Variants in BCAT1 observed in about 807,000 individuals in gnomAD.
The protein encoded by BCAT1 is branched chain amino acid transaminase 1.
BCAT1 carries 48 observed loss-of-function variants against 52.4 expected under a neutral mutation model. The ratio of observed to expected loss-of-function variants is 0.92; its 90% CI spans 0.73 to 1.16. BCAT1 has a LOEUF of 1.16. Ranked by LOEUF, BCAT1 falls within the 50% of genes most tolerant of loss-of-function variation. The probability of loss-of-function intolerance (pLI) is 0.00; values close to 1 mark genes in which losing one functional copy is unlikely to be tolerated. For synonymous variants in BCAT1, 167 were observed against 161.3 expected (o/e 1.04, Z -0.27); for missense variants, 451 against 457.1 (o/e 0.99, Z 0.12).
intron 3 of BCAT1, among the ~76,000 whole-genome samples, chr12:24,884,844 A>G (rs1942611735): frequency 6.6e-6 from 1 of 152,226 alleles, no homozygotes; most frequent in African/African-American, 2.4e-5. Flanking sequence ...AAAAAACTAT[A>G]TGATCATCTC....
intron 1 of BCAT1, among the ~76,000 whole-genome samples, chr12:24,917,651 C>T (rs1276034469): frequency 6.6e-6 from 1 of 152,200 alleles, no homozygotes; most frequent in East Asian, 1.9e-4. Context: ...CAATTTACTG[C>T]ATATACCATG....
chr12:24,949,265 G>A (rs890308590), upstream of BCAT1: 36 of 434,632 alleles, frequency 8.3e-5, no homozygotes, highest in African/African-American at 7.1e-4. Flanking sequence ...TCACTCCCGG[G>A]GTGCAGGGCA....
In BCAT1 at chr12:24,813,248, T is replaced by C. The variant is rs1423688500; in HGVS notation, c.*4760A>G. ...ATCTGACAAGTCTTTTATATATGTA[T>C]GCTGAAGAGAAAAAATAAATCACTT... On this transcript the variant is annotated 3_prime_UTR_variant, in exon 11 of 11. Transcript: ENST00000261192. 1.3e-5 allele frequency: 2 copies of C among 152,054 alleles called. No individual in the cohort carries two copies. Among genetic ancestry groups the C allele is most frequent in the African/African-American group, 4.8e-5 (2 of 41,452 alleles). 9.4% of individuals were successfully genotyped at this position (152,054 alleles called of 1,614,324 possible). A position where few individuals can be genotyped will look rare whatever the true frequency, so the allele number is the denominator to read the frequency against.
At chr12:24,884,772 T>C (rs1015829674) in intron 3 of BCAT1, among the ~76,000 whole-genome samples, 1 of 152,154 alleles carries the variant, frequency 6.6e-6, no homozygotes, top group Non-Finnish European at 1.5e-5. Context: ...GAAATGGAGA[T>C]TGGTTTAACA....
chr12:24,826,329 G>A (rs373117860), intron 10 of BCAT1, among the ~76,000 whole-genome samples: 4 of 152,136 alleles, frequency 2.6e-5, no homozygotes, highest in South Asian at 2.1e-4. Context: ...TAAGAGAAGC[G>A]AATCTAGTTT....
intron 10 of BCAT1, among the ~76,000 whole-genome samples, chr12:24,820,635 G>T (rs987216403): frequency 7.2e-5 from 11 of 152,170 alleles, no homozygotes; most frequent in Non-Finnish European, 1.3e-4. Context: ...TGGAATCAGA[G>T]ATGGTGTCAA....
At chr12:24,903,145 A>G (rs1031670847) in intron 1 of BCAT1, 6 of 1,302,802 alleles carry the variant, frequency 4.6e-6, no homozygotes, top group Admixed American at 8.2e-5. Context: ...GGCGCAGGGT[A>G]CGACGCAACC....
intron 4 of BCAT1, among the ~76,000 whole-genome samples, chr12:24,880,129 C>A (rs182748986): frequency 6.6e-6 from 1 of 152,182 alleles, no homozygotes; most frequent in Non-Finnish European, 1.5e-5. Context: ...TAGCCGTCCT[C>A]AGGCTTCCTG....
intron 2 of BCAT1, among the ~76,000 whole-genome samples, chr12:24,898,933 G>T (rs1420380656): frequency 6.6e-6 from 1 of 152,098 alleles, no homozygotes; most frequent in African/African-American, 2.4e-5. Context: ...CTTTATTCTA[G>T]GTTCTTGTGC....
intron 3 of BCAT1, among the ~76,000 whole-genome samples, chr12:24,891,630 T>C (rs1040371336): frequency 2.0e-5 from 3 of 152,198 alleles, no homozygotes; most frequent in African/African-American, 7.2e-5. Context: ...GATTTTGGTT[T>C]TTAACAAAGG....
chr12:24,887,447 A>G (rs1455122581), intron 3 of BCAT1, among the ~76,000 whole-genome samples: 1 of 152,182 alleles, frequency 6.6e-6, no homozygotes, highest in Non-Finnish European at 1.5e-5. Context: ...CACAAAATAT[A>G]TACATTTTTT....
Position 24,842,152 on chromosome 12 carries a change from A to AT in BCAT1, c.746dup (p.Tyr249Ter). The change falls in exon 7 of 11, where the codon TAT (tyrosine) becomes TAAT (stop). Residue 249 changes from tyrosine to a stop codon, truncating the protein, a stop_gained and frameshift_variant. Transcript: ENST00000261192. LOFTEE classifies it high-confidence loss of function. Reference protein sequence around the residue: ...DNGCQQVLWLYGEDHQITEVG... With the variant: ...DNGCQQVLWL Reference sequence around the variant, plus strand: ...CTTCAGTGATCTGATGGTCCTCTCCATAGAGCCACAGGACCTGCTGACACC... The same window carrying AT: ...CTTCAGTGATCTGATGGTCCTCTCCATTAGAGCCACAGGACCTGCTGACACC... 6.2e-7 allele frequency: 1 copy of AT among 1,613,576 alleles called. No individual in the cohort carries two copies. Among genetic ancestry groups the AT allele is most frequent in the Non-Finnish European group, 8.5e-7 (1 of 1,179,470 alleles).
chr12:24,847,866 A>G (rs1941392898), intron 6 of BCAT1, among the ~76,000 whole-genome samples: 1 of 152,222 alleles, frequency 6.6e-6, no homozygotes, highest in South Asian at 2.1e-4. Context: ...GTCAAGGGTA[A>G]CTGTTGACTT....
At chr12:24,900,587 CA>C (rs570416430) in intron 2 of BCAT1, among the ~76,000 whole-genome samples, 1 of 151,088 alleles carries the variant, frequency 6.6e-6, no homozygotes, top group African/African-American at 2.4e-5. Context: ...GACTCTGTCT[CA>C]AAAAAAAGAA....
At position 24,927,585 on chromosome 12, in the gene BCAT1, C is replaced by T. The variant is rs539912479; in HGVS notation, c.6+21342G>A. Among the ~76,000 whole-genome samples, 8 of 152,222 alleles carry T rather than the reference C, an allele frequency of 5.3e-5. No individual in the cohort carries two copies. The South Asian group carries it at 1.7e-3, about 32-fold the overall frequency. On this transcript the variant is annotated intron_variant, in intron 1 of 10. Coordinates refer to ENST00000261192, the MANE Select transcript of BCAT1 (RefSeq NM_005504.7). ...GAATGGGAAACATGATAATGAGTGA[C>T]ATTAACACATTTTGGAAGGTAGAAA...
intron 5 of BCAT1, among the ~76,000 whole-genome samples, chr12:24,870,952 G>A (rs1942169448): frequency 6.6e-6 from 1 of 152,124 alleles, no homozygotes; most frequent in African/African-American, 2.4e-5. Context: ...GAATTTGGGA[G>A]GTGGAGGTTG....
At position 24,933,213 on chromosome 12, in the gene BCAT1, C is replaced by T. The variant is rs34165520; in HGVS notation, c.6+15714G>A. ...CAGGCTTCTAACCTCAAGTAACCCT[C>T]GGGCCTCAGCCTCCCAATGTGCCGA... On this transcript the variant is annotated intron_variant, in intron 1 of 10. Transcript: ENST00000261192. 2.0e-5 allele frequency among the ~76,000 whole-genome samples: 3 copies of T among 147,886 alleles called. No homozygotes were observed. In the East Asian group the frequency reaches 6.0e-4, roughly 30 times the overall value.
intron 5 of BCAT1, among the ~76,000 whole-genome samples, chr12:24,866,701 T>A (rs143042744): frequency 0.023 from 3,538 of 152,222 alleles, 114 homozygotes; most frequent in African/African-American, 0.081. Context: ...TGTAAATACA[T>A]CAATCAACAC....
At chr12:24,889,486 T>C (rs1162938594) in intron 3 of BCAT1, among the ~76,000 whole-genome samples, 1 of 152,258 alleles carries the variant, frequency 6.6e-6, no homozygotes, top group East Asian at 1.9e-4. Context: ...AGTGCTTTTT[T>C]CCTCCTTTTG....
Sources: gnomAD v4.1 joint callset for allele counts (sites outside exome capture counted in the v4.1 genomes callset) on GRCh38, gnomAD v4.1.1 for gene constraint, MANE v1.5 for transcripts, NCBI Gene and HGNC (gene_info 2026-07-23, HGNC 2026-07-21) for gene names.